Variants in ERGIC1 observed in about 807,000 individuals in gnomAD.
The protein encoded by ERGIC1 is endoplasmic reticulum-golgi intermediate compartment 1, also known as endoplasmic reticulum-Golgi intermediate compartment protein 1.
In ERGIC1, 19 loss-of-function variants were observed where a neutral mutation model predicts 38.3. The observed-to-expected ratio is 0.50, with a 90% confidence interval of 0.35 to 0.73. ERGIC1 has a LOEUF of 0.73. ERGIC1 is among the 30% of genes least tolerant of loss of function. The pLI is 0.01. For synonymous variants in ERGIC1, 124 were observed against 157.6 expected (o/e 0.79, Z 1.60); for missense variants, 294 against 389.2 (o/e 0.76, Z 2.06).
At chr5:172,934,803 C>A (rs1311426074) in intron 8 of ERGIC1, 2 of 287,412 alleles carry the variant, frequency 7.0e-6, no homozygotes, top group South Asian at 7.1e-5. Context: ...CCATGGGCCA[C>A]CACAGTGGAG....
intron 9 of ERGIC1, among the ~76,000 whole-genome samples, chr5:172,941,923 A>G (rs932037492): frequency 3.3e-5 from 5 of 152,130 alleles, no homozygotes; most frequent in Non-Finnish European, 7.4e-5. Context: ...AAGAATTGAC[A>G]AGGCCGGGCG....
At chr5:172,888,585 T>G in intron 1 of ERGIC1, 114 bp from the exon 2 acceptor site, 1 of 849,534 alleles carries the variant, frequency 1.2e-6, no homozygotes. Context: ...AGAAAAACTG[T>G]GGGAAGAACC....
intron 1 of ERGIC1, among the ~76,000 whole-genome samples, chr5:172,851,785 G>A (rs536012833): frequency 1.3e-5 from 2 of 152,246 alleles, no homozygotes; most frequent in East Asian, 3.9e-4. Flanking sequence ...GAGTCTGGAT[G>A]CCCCTGGGTA....
chr5:172,893,905 A>ATATATGTGTG (rs1173039695), intron 2 of ERGIC1, among the ~76,000 whole-genome samples: 17 of 15,540 alleles, frequency 1.1e-3, no homozygotes, highest in Non-Finnish European at 2.3e-3. Context: ...ATATATATAT[A>ATATATGTGTG]TGTGTGTGTG....
chr5:172,877,440 G>GTGTA (rs1491234878), intron 1 of ERGIC1, among the ~76,000 whole-genome samples: 96 of 67,380 alleles, frequency 1.4e-3, no homozygotes, highest in African/African-American at 3.6e-3. Flanking sequence ...GTGTGTGTGT[G>GTGTA]TATATATATA....
intron 5 of ERGIC1, chr5:172,915,771 C>T (rs1490320133): frequency 2.6e-6 from 1 of 390,278 alleles, no homozygotes; most frequent in African/African-American, 2.1e-5. Flanking sequence ...ACTCCCCTTC[C>T]CAGCCCCAGC....
At chr5:172,871,296 C>A (rs988499628) in intron 1 of ERGIC1, among the ~76,000 whole-genome samples, 3 of 152,182 alleles carry the variant, frequency 2.0e-5, no homozygotes, top group Admixed American at 6.5e-5. Context: ...CGCTGCTGTT[C>A]CAGGAACCTG....
At chr5:172,918,700 A>G (rs1229822703) in intron 5 of ERGIC1, among the ~76,000 whole-genome samples, 1 of 152,232 alleles carries the variant, frequency 6.6e-6, no homozygotes, top group Admixed American at 6.5e-5. Context: ...CCACGTCCTT[A>G]CGAAGCAATG....
Position 172,845,872 on chromosome 5 carries a change from G to A in ERGIC1, c.20+11439G>A, listed in dbSNP as rs543208304. On this transcript the variant is annotated intron_variant, in intron 1 of 9. Transcript: ENST00000393784. ...CCTCATGGCACCCCAGGATCCCATC[G>A]AAGGTCCCACATTTGCATTCAGAAC... Among the ~76,000 whole-genome samples the A allele has an allele frequency of 8.6e-5, 13 of 151,920 alleles. No individual in the cohort carries two copies. In the East Asian group the frequency reaches 1.7e-3, roughly 20 times the overall value.
At position 172,834,487 on chromosome 5, in the gene ERGIC1, G is replaced by A; in HGVS notation, c.20+54G>A. 2 of 1,271,210 alleles carry A rather than the reference G, an allele frequency of 1.6e-6. No homozygotes were observed. The highest frequency in any genetic ancestry group is 2.0e-6 in the Non-Finnish European group (2 of 1,005,670). 78.7% of individuals were successfully genotyped at this position (1,271,210 alleles called of 1,614,324 possible). On this transcript the variant is annotated intron_variant, in intron 1 of 9. Transcript: ENST00000393784. This position sits in a 1 kb window ranked among gnomAD's most constrained non-coding sequence, Gnocchi z 4.1. ...AGTTCCCTCAGCGGGCAGAGGGAGC[G>A]CCCCGGCACGCCGCGGACCCCTCCC... is the stretch of plus-strand genomic sequence containing the variant.
chr5:172,888,106 G>A (rs1415431749), intron 1 of ERGIC1, among the ~76,000 whole-genome samples: 4 of 152,206 alleles, frequency 2.6e-5, no homozygotes, highest in African/African-American at 9.7e-5. Context: ...GAACGTGGCA[G>A]GGAACAAAAC....
At chr5:172,940,893 G>A (rs577587876) in intron 9 of ERGIC1, among the ~76,000 whole-genome samples, 2 of 152,352 alleles carry the variant, frequency 1.3e-5, no homozygotes, top group South Asian at 2.1e-4. Context: ...TGACCTCCGC[G>A]TCTGACTTAC....
At chr5:172,891,091 G>C (rs1192977027) in intron 2 of ERGIC1, among the ~76,000 whole-genome samples, 1 of 152,226 alleles carries the variant, frequency 6.6e-6, no homozygotes, top group African/African-American at 2.4e-5. Flanking sequence ...TGTGTCCCGG[G>C]ATGTGTCTTG....
chr5:172,901,791 G>A (rs34780675), intron 3 of ERGIC1, among the ~76,000 whole-genome samples: 19,855 of 151,972 alleles, frequency 0.13, 1,616 homozygotes, highest in East Asian at 0.16. Flanking sequence ...AGAGACAGGG[G>A]TCTCCCTGTA....
At chr5:172,835,476 C>G (rs768443388) in intron 1 of ERGIC1, among the ~76,000 whole-genome samples, 1 of 132,768 alleles carries the variant, frequency 7.5e-6, no homozygotes, top group African/African-American at 2.5e-5. Context: ...CGTGAAACAC[C>G]CTTAGCAGAG....
rs1226341099 is a variant in ERGIC1 at position 172,867,493 on chromosome 5, G to A, written c.21-21206G>A. ...CTGGCTGGCCTTGGCCACTGCCTCA[G>A]TGTTCCAGCCTCTGCCGTCATTTGA... On this transcript the variant is annotated intron_variant, in intron 1 of 9. Transcript: ENST00000393784. 5 of 436,508 alleles carry A rather than the reference G, an allele frequency of 1.1e-5. No individual in the cohort carries two copies. The East Asian group carries it at 3.6e-4, about 32-fold the overall frequency. The allele number at this position is 436,508 out of a possible 1,614,324, so 27.0% of individuals were successfully genotyped here. A position where few individuals can be genotyped will look rare whatever the true frequency, so the allele number is the denominator to read the frequency against.
intron 9 of ERGIC1, among the ~76,000 whole-genome samples, chr5:172,942,454 T>C (rs1764032358): frequency 6.6e-6 from 1 of 152,042 alleles, no homozygotes; most frequent in South Asian, 2.1e-4. Flanking sequence ...GGTTTAGTCA[T>C]CTCTGGTCTC....
At position 172,897,858 on chromosome 5, in the gene ERGIC1, G is replaced by A. The variant is rs371230671; in HGVS notation, c.155+784G>A. The A allele has an allele frequency of 3.5e-4, 144 of 414,194 alleles. 1 individual carries two copies. Among genetic ancestry groups the A allele is most frequent in the African/African-American group, 2.4e-3 (116 of 48,760 alleles). The allele number at this position is 414,194 out of a possible 1,614,324, so 25.7% of individuals were successfully genotyped here. On this transcript the variant is annotated intron_variant, in intron 3 of 9. Transcript: ENST00000393784. ...CAGGCCCACACTTGGTGAGGAATCG[G>A]TGCAGGCTTCCTGGCAGTGGCTGAC...
intron 1 of ERGIC1, among the ~76,000 whole-genome samples, chr5:172,869,194 GGGAGGAGGAA>G (rs1300751106): frequency 3.9e-4 from 59 of 152,366 alleles, no homozygotes; most frequent in African/African-American, 1.4e-3. Context: ...TTCCCCCCTG[GGGAGGAGGAA>G]GGAGGAGGTG....
Sources: allele counts gnomAD v4.1 joint callset (sites outside exome capture counted in the v4.1 genomes callset), GRCh38; gene constraint gnomAD v4.1.1; non-coding constraint Gnocchi (gnomAD v3.1); transcripts MANE v1.5; gene names NCBI Gene and HGNC (gene_info 2026-07-23, HGNC 2026-07-21).